The following BCL7A variants were observed in gnomAD, a reference collection of about 807,000 sequenced individuals.
BCL7A encodes B-cell CLL/lymphoma 7 protein family member A.
BCL7A carries 11 observed loss-of-function variants against 28.4 expected under a neutral mutation model. The observed-to-expected ratio is 0.39, with a 90% CI of 0.24 to 0.64. BCL7A has a LOEUF of 0.64. Among genes scored for constraint, BCL7A ranks in the 30% least tolerant of loss-of-function variants. The probability of loss-of-function intolerance (pLI) is 0.50; values close to 1 mark genes in which losing one functional copy is unlikely to be tolerated. For synonymous variants in BCL7A, 123 were observed against 103.3 expected, an observed-to-expected ratio of 1.19 and a Z score of -1.15; for missense variants, 222 against 274.8, an observed-to-expected ratio of 0.81 and a Z score of 1.36.
rs201779568 is a variant in BCL7A, at chr12:122,022,172, A to G, written c.81A>G (p.Lys27=). 6.5e-7 allele frequency: 1 copy of G among 1,550,072 alleles called. No individual in the cohort carries two copies. Among genetic ancestry groups the G allele is most frequent in the Non-Finnish European group, 8.7e-7 (1 of 1,146,526 alleles). The change falls in exon 1 of 6, where the codon AAA becomes AAG. Residue 27 remains lysine, a synonymous_variant. Coordinates refer to ENST00000261822, the MANE Select transcript of BCL7A (RefSeq NM_001024808.3). ...DIKRVMAAIE[K]VRKWEKKWVT... ...AGAGGGTCATGGCGGCGATCGAGAAAGTGCGCAAATGGTAAGCGGAGGCGC... is the reference window on the plus strand; with the variant it reads ...AGAGGGTCATGGCGGCGATCGAGAAGGTGCGCAAATGGTAAGCGGAGGCGC...
chr12:122,025,386 G>A (rs1173867526), intron 1 of BCL7A, among the ~76,000 whole-genome samples: 1 of 152,174 alleles, frequency 6.6e-6, no homozygotes, highest in Non-Finnish European at 1.5e-5. Flanking sequence ...AGCACTCTGG[G>A]AGGCCGGGCA....
intron 4 of BCL7A, among the ~76,000 whole-genome samples, chr12:122,052,279 C>T (rs911347180): frequency 6.6e-6 from 1 of 152,166 alleles, no homozygotes; most frequent in African/African-American, 2.4e-5. Flanking sequence ...AGCTATCTTC[C>T]CACCTTGGCC....
At chr12:122,027,292 G>A (rs1883649371) in intron 1 of BCL7A, among the ~76,000 whole-genome samples, 1 of 152,216 alleles carries the variant, frequency 6.6e-6, no homozygotes, top group Non-Finnish European at 1.5e-5. Flanking sequence ...TTGTTTGTTT[G>A]TTTGAAGTTT....
Position 122,059,469 on chromosome 12 carries a change from T to TC in BCL7A, c.*312dup, listed in dbSNP as rs1951902428. Reference sequence around the variant, plus strand: ...TTCCATTTGTGTTGCTGCTGTATTTTCCCCCCACTTCTCTATGTAACGATA... The same window carrying TC: ...TTCCATTTGTGTTGCTGCTGTATTTTCCCCCCCACTTCTCTATGTAACGATA... On this transcript the variant is annotated 3_prime_UTR_variant, in exon 6 of 6. Coordinates refer to ENST00000261822, the MANE Select transcript of BCL7A (RefSeq NM_001024808.3). The surrounding 1 kb of genome is among the most constrained non-coding windows in gnomAD (Gnocchi z 4.0). 6.0e-6 allele frequency: 2 copies of TC among 331,248 alleles called. No homozygotes were observed. The highest frequency in any genetic ancestry group is 2.1e-5 in the African/African-American group (1 of 48,588). The allele number at this position is 331,248 out of a possible 1,614,324, so 20.5% of individuals were successfully genotyped here. A position where few individuals can be genotyped will look rare whatever the true frequency, so the allele number is the denominator to read the frequency against.
intron 1 of BCL7A, among the ~76,000 whole-genome samples, chr12:122,023,571 TGGCCGGATGCCCGGCCGTGGGCTGG>T: frequency 6.6e-6 from 1 of 152,358 alleles, no homozygotes; most frequent in East Asian, 1.9e-4. Context: ...CTGGCTGCGA[TGGCCGGATGCCCGGCCGTGGGCTGG>T]GTTTGGCTCC....
rs1394578809 is a variant in BCL7A, at chr12:122,034,241, A to C, written c.175-1090A>C. Among the ~76,000 whole-genome samples the C allele has an allele frequency of 3.5e-4, 28 of 79,370 alleles. No individual in the cohort carries two copies. The East Asian group carries it at 8.3e-3, about 24-fold the overall frequency. The allele number at this position is 79,370 out of a possible 152,430, so 52.1% of individuals were successfully genotyped here. A position where few individuals can be genotyped will look rare whatever the true frequency, so the allele number is the denominator to read the frequency against. On this transcript the variant is annotated intron_variant, in intron 2 of 5. Transcript: ENST00000261822. ...TATATATATATATATATATATATAT[A>C]TATCTTGGCGATATTGACATATGTT...
intron 3 of BCL7A, among the ~76,000 whole-genome samples, chr12:122,038,431 CAA>C (rs56376395): frequency 0.015 from 500 of 33,426 alleles, no homozygotes; most frequent in Non-Finnish European, 0.028. Flanking sequence ...GACTCTGCCT[CAA>C]AAAAAAAAAA....
intron 3 of BCL7A, among the ~76,000 whole-genome samples, chr12:122,036,162 C>T (rs1883847338): frequency 6.6e-6 from 1 of 152,270 alleles, no homozygotes; most frequent in Non-Finnish European, 1.5e-5. Flanking sequence ...TTTCTGATTT[C>T]ATGTTAATCC....
At chr12:122,047,005 G>A (rs988623187) in intron 4 of BCL7A, among the ~76,000 whole-genome samples, 1 of 151,400 alleles carries the variant, frequency 6.6e-6, no homozygotes, top group Non-Finnish European at 1.5e-5. Flanking sequence ...CCAGGTTCAA[G>A]TGATTCTCTT....
intron 4 of BCL7A, among the ~76,000 whole-genome samples, chr12:122,050,983 G>A (rs980172729): frequency 1.3e-5 from 2 of 152,214 alleles, no homozygotes; most frequent in African/African-American, 2.4e-5. Flanking sequence ...CATGGGCTTC[G>A]TGTGCAGCCG....
Position 122,054,801 on chromosome 12 carries a change from T to G in BCL7A, c.440-4T>G. 2 of 1,612,864 alleles carry G rather than the reference T, an allele frequency of 1.2e-6. No homozygotes were observed. Among genetic ancestry groups the G allele is most frequent in the Non-Finnish European group, 1.7e-6 (2 of 1,179,070 alleles). ...CAGCTCCTGTCGTCTTGCTCTTCCCTCAGATGCTTCTGATGAGCAGAATTC... is the reference window on the plus strand; with the variant it reads ...CAGCTCCTGTCGTCTTGCTCTTCCCGCAGATGCTTCTGATGAGCAGAATTC... On this transcript the variant is annotated splice_region_variant and splice_polypyrimidine_tract_variant and intron_variant, in intron 4 of 5. Coordinates refer to ENST00000261822, the MANE Select transcript of BCL7A (RefSeq NM_001024808.3).
At chr12:122,027,472 C>G (rs1205880172) in intron 1 of BCL7A, among the ~76,000 whole-genome samples, 1 of 151,956 alleles carries the variant, frequency 6.6e-6, no homozygotes, top group East Asian at 1.9e-4. Flanking sequence ...CCCAGGAGGT[C>G]GAGGCTGCAG....
At chr12:122,027,029 G>A (rs536121152) in intron 1 of BCL7A, among the ~76,000 whole-genome samples, 7 of 152,360 alleles carry the variant, frequency 4.6e-5, no homozygotes, top group Non-Finnish European at 7.3e-5. Context: ...GTCAGGGTAA[G>A]GTGACGGGGC....
intron 1 of BCL7A, among the ~76,000 whole-genome samples, chr12:122,026,951 C>T (rs1883641148): frequency 6.6e-6 from 1 of 152,210 alleles, no homozygotes; most frequent in Admixed American, 6.5e-5. Context: ...TATATTCCTA[C>T]TGCTGGGACC....
chr12:122,061,738 C>T lies in BCL7A; in HGVS notation c.*2575C>T, dbSNP rs572640717. 1 of 231,224 alleles carries T rather than the reference C, an allele frequency of 4.3e-6. No individual in the cohort carries two copies. Among genetic ancestry groups the T allele is most frequent in the Non-Finnish European group, 8.6e-6 (1 of 116,660 alleles). The allele number at this position is 231,224 out of a possible 1,614,324, so 14.3% of individuals were successfully genotyped here. A position where few individuals can be genotyped will look rare whatever the true frequency, so the allele number is the denominator to read the frequency against. On this transcript the variant is annotated 3_prime_UTR_variant, in exon 6 of 6. Transcript: ENST00000261822. ...CGTGAAGTCGGGGAAGCTGCGGCTA[C>T]ACATTCCACAAAGTGCTGGCACTTA...
rs1015396873 is a variant in BCL7A, at chr12:122,061,669, C to G, written c.*2506C>G. 3 of 230,096 alleles carry G rather than the reference C, an allele frequency of 1.3e-5. No individual in the cohort carries two copies. Among genetic ancestry groups the G allele is most frequent in the African/African-American group, 6.7e-5 (3 of 45,064 alleles). 14.3% of individuals were successfully genotyped at this position (230,096 alleles called of 1,614,324 possible). On this transcript the variant is annotated 3_prime_UTR_variant, in exon 6 of 6. Coordinates refer to ENST00000261822, the MANE Select transcript of BCL7A (RefSeq NM_001024808.3). Reference sequence around the variant, plus strand: ...AAAGCCTTCCGTGGACATCAGGCCCCGTGGCCTCAAGGGCTCCCAGGGCAA... The same window carrying G: ...AAAGCCTTCCGTGGACATCAGGCCCGGTGGCCTCAAGGGCTCCCAGGGCAA...
intron 1 of BCL7A, among the ~76,000 whole-genome samples, chr12:122,027,939 C>G (rs1320685795): frequency 6.6e-6 from 1 of 152,164 alleles, no homozygotes; most frequent in Non-Finnish European, 1.5e-5. Flanking sequence ...GGTATGTGTT[C>G]TGTGGTGATG....
At chr12:122,023,041 A>C (rs1433871293) in intron 1 of BCL7A, among the ~76,000 whole-genome samples, 1 of 151,232 alleles carries the variant, frequency 6.6e-6, no homozygotes, top group Non-Finnish European at 1.5e-5. Context: ...GGAGAGGGGG[A>C]CTTGGTGGCG....
At chr12:122,025,968 A>G (rs1883620146) in intron 1 of BCL7A, among the ~76,000 whole-genome samples, 3 of 147,804 alleles carry the variant, frequency 2.0e-5, no homozygotes, top group South Asian at 4.3e-4. Context: ...AAAAAAAAAA[A>G]GAAGAAAGAA....
Sources: allele counts gnomAD v4.1 joint callset (sites outside exome capture counted in the v4.1 genomes callset), GRCh38; gene constraint gnomAD v4.1.1; non-coding constraint Gnocchi (gnomAD v3.1); transcripts MANE v1.5; gene names NCBI Gene and HGNC (gene_info 2026-07-23, HGNC 2026-07-21).